LSAMP: variants seen among roughly 807,000 people sequenced by gnomAD.
LSAMP encodes limbic system-associated membrane protein.
LSAMP carries 7 observed loss-of-function variants against 38.6 expected under a neutral mutation model. The observed-to-expected ratio is 0.18, with a 90% CI of 0.10 to 0.34. The LOEUF is 0.34. Ranked by LOEUF, LSAMP falls within the 10% of genes least tolerant of loss-of-function variation. LSAMP has a pLI of 1.00. For synonymous variants in LSAMP, 154 were observed against 166.8 expected, an observed-to-expected ratio of 0.92 and a Z score of 0.59; for missense variants, 313 against 420.0, an observed-to-expected ratio of 0.75 and a Z score of 2.23.
chr3:116,083,132 CG>C (rs1707908202), intron 2 of LSAMP, among the ~76,000 whole-genome samples: 1 of 152,028 alleles, frequency 6.6e-6, no homozygotes, highest in Admixed American at 6.6e-5. Context: ...AAAATAAAAA[CG>C]GAAGGAGCCT....
chr3:116,281,812 G>T (rs116040128), intron 1 of LSAMP, among the ~76,000 whole-genome samples: 1 of 152,146 alleles, frequency 6.6e-6, no homozygotes, highest in Non-Finnish European at 1.5e-5. Flanking sequence ...TTCTGTGGCT[G>T]TTGGGTATTT....
chr3:116,048,455 A>G (rs1366040533), intron 2 of LSAMP, among the ~76,000 whole-genome samples: 1 of 152,232 alleles, frequency 6.6e-6, no homozygotes, highest in Non-Finnish European at 1.5e-5. Flanking sequence ...GCAATGCTTA[A>G]AGTATCCACA....
chr3:115,818,821 T>TATATATATAA (rs1172422801), intron 6 of LSAMP, among the ~76,000 whole-genome samples: 13 of 124,216 alleles, frequency 1.0e-4, no homozygotes, highest in Admixed American at 1.7e-4. Context: ...TATATATATA[T>TATATATATAA]AACTGCAGCA....
chr3:116,305,545 AC>A (rs1484351889), intron 1 of LSAMP, among the ~76,000 whole-genome samples: 1 of 151,080 alleles, frequency 6.6e-6, no homozygotes, highest in Non-Finnish European at 1.5e-5. Context: ...GCCAGCTTGC[AC>A]GAAAAAAAAA....
intron 1 of LSAMP, among the ~76,000 whole-genome samples, chr3:116,107,172 G>A (rs1481243724): frequency 6.6e-6 from 1 of 152,198 alleles, no homozygotes; most frequent in East Asian, 1.9e-4. Context: ...AAGGTCAGGT[G>A]TGGTATCTGG....
At chr3:116,119,501 TAAAAC>T (rs542531360) in intron 1 of LSAMP, among the ~76,000 whole-genome samples, 75 of 151,986 alleles carry the variant, frequency 4.9e-4, no homozygotes, top group Admixed American at 4.5e-3. Context: ...AAAGATAAAA[TAAAAC>T]AAATACTGGG....
At chr3:116,358,115 C>T (rs1430668352) in intron 1 of LSAMP, among the ~76,000 whole-genome samples, 1 of 152,082 alleles carries the variant, frequency 6.6e-6, no homozygotes, top group Non-Finnish European at 1.5e-5. Context: ...AGTCTAACCG[C>T]CTTAATCTAG....
chr3:116,030,631 T>C (rs2107703049), intron 2 of LSAMP, among the ~76,000 whole-genome samples: 1 of 152,272 alleles, frequency 6.6e-6, no homozygotes, highest in South Asian at 2.1e-4. Context: ...TGGTTTTACT[T>C]GGCAGAAATG....
chr3:115,945,701 A>T (rs1260178640), intron 3 of LSAMP, among the ~76,000 whole-genome samples: 1 of 152,142 alleles, frequency 6.6e-6, no homozygotes, highest in Non-Finnish European at 1.5e-5. Context: ...AAACTGAAGG[A>T]AATCAGACCT....
chr3:115,859,431 TGAAAG>T (rs149813452), intron 3 of LSAMP, among the ~76,000 whole-genome samples: 6,063 of 152,114 alleles, frequency 0.04, 134 homozygotes, highest in African/African-American at 0.048. Flanking sequence ...GGAATGGAAA[TGAAAG>T]GAGAGAGAGT....
intron 3 of LSAMP, among the ~76,000 whole-genome samples, chr3:115,945,549 T>G (rs1327291622): frequency 2.0e-5 from 3 of 152,124 alleles, no homozygotes; most frequent in Non-Finnish European, 2.9e-5. Context: ...AAACTGTAAT[T>G]CAGATCACCT....
At chr3:115,826,292 T>A (rs1467636311) in intron 6 of LSAMP, among the ~76,000 whole-genome samples, 1 of 151,890 alleles carries the variant, frequency 6.6e-6, no homozygotes, top group Non-Finnish European at 1.5e-5. Flanking sequence ...TTTTTTGTAT[T>A]TTTTAGTAGA....
At chr3:116,128,628 G>A (rs1709059981) in intron 1 of LSAMP, among the ~76,000 whole-genome samples, 3 of 152,308 alleles carry the variant, frequency 2.0e-5, no homozygotes, top group Admixed American at 2.0e-4. Context: ...TGCACATTGG[G>A]ATACCCCTTC....
At chr3:116,093,346 A>G (rs1376132198) in intron 1 of LSAMP, among the ~76,000 whole-genome samples, 1 of 152,204 alleles carries the variant, frequency 6.6e-6, no homozygotes, top group African/African-American at 2.4e-5. Context: ...CAAAATGTTG[A>G]CAGGATCGAG....
rs185309144 is a variant in LSAMP at position 115,855,218 on chromosome 3, C to T, written c.515-2601G>A. Reference sequence around the variant, plus strand: ...GAGAGAGAAAGATTATTTTTAGCTGCGCCAACTAAAGCCCTACCAATTCTG... The same window carrying T: ...GAGAGAGAAAGATTATTTTTAGCTGTGCCAACTAAAGCCCTACCAATTCTG... On this transcript the variant is annotated intron_variant, in intron 3 of 6. Transcript: ENST00000490035. Among the ~76,000 whole-genome samples the T allele has an allele frequency of 1.7e-3, 253 of 152,210 alleles. 2 individuals are homozygous for T. Among genetic ancestry groups the T allele is most frequent in the African/African-American group, 3.6e-3 (148 of 41,530 alleles).
intron 2 of LSAMP, among the ~76,000 whole-genome samples, chr3:116,049,253 C>T (rs2107730255): frequency 6.6e-6 from 1 of 152,264 alleles, no homozygotes; most frequent in South Asian, 2.1e-4. Context: ...TTTTTGGCCA[C>T]ATAAGTGGCT....
At chr3:116,119,348 A>C (rs1291138782) in intron 1 of LSAMP, among the ~76,000 whole-genome samples, 1 of 152,090 alleles carries the variant, frequency 6.6e-6, no homozygotes, top group Non-Finnish European at 1.5e-5. Context: ...GATAGGAAAT[A>C]TTACATGACT....
At chr3:115,898,617 A>ATATATCTATATATC (rs1553746026) in intron 3 of LSAMP, among the ~76,000 whole-genome samples, 97 of 149,922 alleles carry the variant, frequency 6.5e-4, no homozygotes, top group African/African-American at 2.4e-3. Flanking sequence ...ATATATATAT[A>ATATATCTATATATC]TATATATGCA....
chr3:116,092,065 C>T (rs1708136374), intron 1 of LSAMP, among the ~76,000 whole-genome samples: 1 of 152,118 alleles, frequency 6.6e-6, no homozygotes, highest in African/African-American at 2.4e-5. Flanking sequence ...ACCTCTGGAG[C>T]CCTCACTGAG....
Sources: allele counts gnomAD v4.1 joint callset (sites outside exome capture counted in the v4.1 genomes callset), GRCh38; gene constraint gnomAD v4.1.1; transcripts MANE v1.5; gene names NCBI Gene and HGNC (gene_info 2026-07-23, HGNC 2026-07-21).